Variants in GUCY1A1 observed in about 807,000 individuals in gnomAD.
GUCY1A1 encodes the protein guanylate cyclase 1 soluble subunit alpha 1, also known as guanylate cyclase soluble subunit alpha-1.
GUCY1A1 carries 48 observed loss-of-function variants against 64.5 expected under a neutral mutation model. That is an observed-to-expected ratio of 0.74 (90% confidence interval 0.59 to 0.95). The LOEUF is 0.95. Ranked by LOEUF, GUCY1A1 falls within the 40% of genes least tolerant of loss-of-function variation. GUCY1A1 has a pLI of 0.00. For synonymous variants in GUCY1A1, 308 were observed against 303.4 expected (o/e 1.02, Z -0.16); for missense variants, 804 against 825.3 (o/e 0.97, Z 0.32).
Position 155,733,514 on chromosome 4 carries a change from T to C in GUCY1A1, c.*3283T>C, listed in dbSNP as rs1162015671. Among the ~76,000 whole-genome samples the C allele has an allele frequency of 1.3e-5, 2 of 151,744 alleles. No individual in the cohort carries two copies. The highest frequency in any genetic ancestry group is 4.8e-5 in the African/African-American group (2 of 41,364). ...GCCATGATAGTTATTCATATTGCTA[T>C]TGTAATATTAATATATAGTAATTAA... On this transcript the variant is annotated 3_prime_UTR_variant, in exon 10 of 10. Coordinates refer to ENST00000506455, the MANE Select transcript of GUCY1A1 (RefSeq NM_001130682.3).
chr4:155,722,095 C>T lies in GUCY1A1; in HGVS notation c.1774C>T (p.Pro592Ser), dbSNP rs1396746007. The change falls in exon 9 of 10, where the codon CCC becomes TCC. Residue 592 changes from proline to serine, a missense_variant. Transcript: ENST00000506455. Reference protein sequence around the residue: ...VFAGVVGVKMPRYCLFGNNVT... With the variant: ...VFAGVVGVKMSRYCLFGNNVT... Reference sequence around the variant, plus strand: ...TGCTGGCGTCGTTGGAGTTAAAATGCCCCGTTACTGTCTTTTTGGAAACAA... The same window carrying T: ...TGCTGGCGTCGTTGGAGTTAAAATGTCCCGTTACTGTCTTTTTGGAAACAA... 3.7e-6 allele frequency: 6 copies of T among 1,613,492 alleles called. No individual in the cohort carries two copies. The highest frequency in any genetic ancestry group is 4.2e-6 in the Non-Finnish European group (5 of 1,179,688).
chr4:155,708,020 G>A (rs767648769), intron 4 of GUCY1A1, among the ~76,000 whole-genome samples: 3 of 151,944 alleles, frequency 2.0e-5, no homozygotes, highest in Non-Finnish European at 2.9e-5. Flanking sequence ...TGTATTTTTA[G>A]CAGAGATGGG....
rs574138832 is a variant in GUCY1A1 at position 155,698,952 on chromosome 4, T to G, written c.255+1830T>G. ...GTTTACATTTTGCTCATGCATAGTTTTCTTATTTTATTTAGTTGTCTGTCT... is the reference window on the plus strand; with the variant it reads ...GTTTACATTTTGCTCATGCATAGTTGTCTTATTTTATTTAGTTGTCTGTCT... On this transcript the variant is annotated intron_variant, in intron 3 of 9. Coordinates refer to ENST00000506455, the MANE Select transcript of GUCY1A1 (RefSeq NM_001130682.3). Among the ~76,000 whole-genome samples the G allele has an allele frequency of 1.3e-4, 20 of 152,304 alleles. No homozygotes were observed. The South Asian group carries it at 4.1e-3, about 32-fold the overall frequency.
At position 155,696,804 on chromosome 4, in the gene GUCY1A1, A is replaced by G; in HGVS notation, c.-64A>G. The G allele has an allele frequency of 1.4e-6, 2 of 1,475,182 alleles. No homozygotes were observed. The highest frequency in any genetic ancestry group is 1.8e-5 in the Admixed American group (1 of 54,718). The allele number at this position is 1,475,182 out of a possible 1,614,324, so 91.4% of individuals were successfully genotyped here. On this transcript the variant is annotated 5_prime_UTR_variant, in exon 3 of 10. Transcript: ENST00000506455. ...GAATTGATAGTGGCTTCTGTTTGTC[A>G]GTCTCATATAAGAACTACAGCTCAT... is the stretch of plus-strand genomic sequence containing the variant.
intron 2 of GUCY1A1, among the ~76,000 whole-genome samples, chr4:155,682,843 T>C (rs957889296): frequency 2.0e-5 from 3 of 152,140 alleles, no homozygotes; most frequent in Non-Finnish European, 4.4e-5. Context: ...GACAACTCAT[T>C]TTAAAATGTA....
At chr4:155,680,172 A>G (rs1717571750) in intron 2 of GUCY1A1, among the ~76,000 whole-genome samples, 1 of 152,178 alleles carries the variant, frequency 6.6e-6, no homozygotes, top group Admixed American at 6.6e-5. Flanking sequence ...TATACATGGT[A>G]TATATCTCTC....
intron 2 of GUCY1A1, among the ~76,000 whole-genome samples, chr4:155,694,407 C>A (rs2126721269): frequency 6.6e-6 from 1 of 152,156 alleles, no homozygotes; most frequent in South Asian, 2.1e-4. Context: ...ACTCTCCAAG[C>A]TCCCCAACCC....
intron 3 of GUCY1A1, among the ~76,000 whole-genome samples, 200 bp from the exon 4 acceptor site, chr4:155,703,732 T>C (rs1731384887): frequency 6.6e-6 from 1 of 152,188 alleles, no homozygotes; most frequent in African/African-American, 2.4e-5. Flanking sequence ...TCTCAGCACA[T>C]TGCTTCCTCT....
chr4:155,732,068 A>G lies in GUCY1A1; in HGVS notation c.*1837A>G, dbSNP rs1455102451. 1 of 151,878 alleles carries G rather than the reference A, an allele frequency of 6.6e-6. No homozygotes were observed. Among genetic ancestry groups the G allele is most frequent in the African/African-American group, 2.4e-5 (1 of 41,406 alleles). The allele number at this position is 151,878 out of a possible 1,614,324, so 9.4% of individuals were successfully genotyped here. The stretch of plus-strand genomic sequence containing the variant: ...AACCGAACTCTTATTATGGGGAAAT[A>G]ATAGAAATAAAGAAAATGTAAAAGC... On this transcript the variant is annotated 3_prime_UTR_variant, in exon 10 of 10. Coordinates refer to ENST00000506455, the MANE Select transcript of GUCY1A1 (RefSeq NM_001130682.3).
chr4:155,696,371 G>A (rs1016023376), intron 2 of GUCY1A1, among the ~76,000 whole-genome samples: 2 of 152,108 alleles, frequency 1.3e-5, no homozygotes, highest in African/African-American at 4.8e-5. Context: ...TAATGAGAAT[G>A]TAGTAGTACA....
At chr4:155,673,141 G>A (rs1263256611) in intron 2 of GUCY1A1, among the ~76,000 whole-genome samples, 1 of 147,010 alleles carries the variant, frequency 6.8e-6, no homozygotes, top group Admixed American at 6.6e-5. Flanking sequence ...GAATTAAAAG[G>A]ACATTTTTTC....
chr4:155,713,085 C>G lies in GUCY1A1; in HGVS notation c.1087-13C>G, dbSNP rs1392759176. The G allele has an allele frequency of 1.9e-6, 3 of 1,587,172 alleles. No individual in the cohort carries two copies. The Admixed American group carries it at 5.3e-5, about 28-fold the overall frequency. ...CTTGAATAAACCACAATTGGTTATC[C>G]TTTCCTTCATAGGTTATGGACCTCA... On this transcript the variant is annotated splice_polypyrimidine_tract_variant and intron_variant, in intron 6 of 9. Transcript: ENST00000506455.
Position 155,713,396 on chromosome 4 carries a change from T to G in GUCY1A1, c.1385T>G (p.Val462Gly). 6.2e-7 allele frequency: 1 copy of G among 1,614,046 alleles called. No homozygotes were observed. Among genetic ancestry groups the G allele is most frequent in the Non-Finnish European group, 8.5e-7 (1 of 1,179,984 alleles). Residue 462 changes from valine to glycine, a missense_variant, in exon 7 of 10, where the codon GTT becomes GGT. Val to Gly is a moderately radical substitution (Grantham distance 109, BLOSUM62 -3). Transcript: ENST00000506455. ...CTGTGCTCCATATTTCCCTGTGAGG[T>G]TGCTCAGCAGCTGTGGCAAGGGCAA... ...DLLCSIFPCE[V>G]AQQLWQGQVV...
chr4:155,712,324 G>C (rs927802773), intron 6 of GUCY1A1, among the ~76,000 whole-genome samples: 1 of 152,166 alleles, frequency 6.6e-6, no homozygotes. Context: ...TACAGACAAA[G>C]TTTCGCCATG....
chr4:155,689,460 T>A (rs1201440573), intron 2 of GUCY1A1, among the ~76,000 whole-genome samples: 1 of 152,208 alleles, frequency 6.6e-6, no homozygotes, highest in African/African-American at 2.4e-5. Context: ...CAAATTGTAG[T>A]CATCACACGG....
intron 2 of GUCY1A1, among the ~76,000 whole-genome samples, chr4:155,687,425 T>C (rs1275963064): frequency 1.3e-5 from 2 of 152,184 alleles, no homozygotes; most frequent in Non-Finnish European, 2.9e-5. Context: ...AGGCACTTTA[T>C]ATATATTATT....
At chr4:155,681,844 T>A (rs1735818148) in intron 2 of GUCY1A1, among the ~76,000 whole-genome samples, 1 of 152,198 alleles carries the variant, frequency 6.6e-6, no homozygotes, top group Non-Finnish European at 1.5e-5. Context: ...ATCTCTAATC[T>A]GTTACACATT....
intron 2 of GUCY1A1, among the ~76,000 whole-genome samples, chr4:155,695,555 T>C (rs1730304151): frequency 6.6e-6 from 1 of 152,166 alleles, no homozygotes; most frequent in South Asian, 2.1e-4. Context: ...TTAGTAATAT[T>C]AGTTTGGAGT....
intron 9 of GUCY1A1, 54 bp downstream of exon 9, chr4:155,722,246 C>T: frequency 6.4e-7 from 1 of 1,566,984 alleles, no homozygotes; most frequent in Non-Finnish European, 8.7e-7. Context: ...TATACAATTG[C>T]CATTTGCCCC....
Sources: allele counts gnomAD v4.1 joint callset (sites outside exome capture counted in the v4.1 genomes callset), GRCh38; gene constraint gnomAD v4.1.1; transcripts MANE v1.5; gene names NCBI Gene and HGNC (gene_info 2026-07-23, HGNC 2026-07-21).